The following CPSF3 variants were observed in gnomAD, a reference collection of about 807,000 sequenced individuals.
CPSF3 encodes cleavage and polyadenylation specific factor 3.
Under a neutral mutation model 84.1 loss-of-function variants are expected in CPSF3, and 57 were observed. The observed-to-expected ratio is 0.68, with a 90% CI of 0.55 to 0.85. The LOEUF (loss-of-function observed/expected upper bound fraction) is 0.85. Among genes scored for constraint, CPSF3 ranks in the 40% least tolerant of loss-of-function variants. The pLI, the probability that CPSF3 is intolerant of heterozygous loss-of-function variation, is 0.00. For missense variants in CPSF3, 522 were observed against 838.8 expected (o/e 0.62, Z 4.66); for synonymous variants, 275 against 278.1 (o/e 0.99, Z 0.11).
chr2:9,470,004 A>G (rs1399813833), intron 16 of CPSF3, among the ~76,000 whole-genome samples: 3 of 152,210 alleles, frequency 2.0e-5, no homozygotes, highest in African/African-American at 7.2e-5. Context: ...ACTTGAGGTT[A>G]GGGGTTCGAG....
chr2:9,456,835 G>T (rs1007663371), intron 13 of CPSF3, 98 bp from the exon 14 acceptor site: 1 of 654,208 alleles, frequency 1.5e-6, no homozygotes, highest in Admixed American at 3.4e-5. Context: ...TTTTAATTGT[G>T]TAGCTGCTTT....
intron 6 of CPSF3, 70 bp from the exon 7 acceptor site, chr2:9,436,141 A>C (rs145664944): frequency 8.3e-5 from 111 of 1,334,118 alleles, no homozygotes; most frequent in Non-Finnish European, 1.1e-4. Context: ...TCAGTATTTC[A>C]TTGATGTTTA....
chr2:9,462,619 G>A (rs111861606), intron 15 of CPSF3, among the ~76,000 whole-genome samples: 247 of 152,262 alleles, frequency 1.6e-3, no homozygotes, highest in African/African-American at 5.6e-3. Context: ...TGTTTTATAC[G>A]GGAAGGAATA....
intron 10 of CPSF3, among the ~76,000 whole-genome samples, chr2:9,444,449 C>A (rs1050340017): frequency 6.6e-6 from 1 of 151,022 alleles, no homozygotes; most frequent in East Asian, 2.0e-4. Context: ...TTTTAAGTAT[C>A]GTGTAACTTA....
At chr2:9,471,213 CA>C (rs58209081) in intron 16 of CPSF3, 129 bp from the exon 17 acceptor site, 21,221 of 405,462 alleles carry the variant, frequency 0.052, 1 homozygote, top group South Asian at 0.084. Context: ...GACTCCATCT[CA>C]AAAAAAAAAA....
rs772236851 is a variant in CPSF3, at chr2:9,472,993, C to T, written c.2031C>T (p.Tyr677=). The T allele has an allele frequency of 6.2e-6, 10 of 1,613,112 alleles. No homozygotes were observed. The highest frequency in any genetic ancestry group is 8.5e-6 in the Non-Finnish European group (10 of 1,179,592). The part of the protein sequence containing the change: ...EMVELAAQRL[Y]EALTPVH ...TGGAGCTGGCTGCACAGAGACTGTA[C>T]GAGGCCCTGACGCCAGTTCACTGAG... Residue 677 remains tyrosine (Y), a synonymous_variant, in exon 18 of 18, where the codon TAC becomes TAT. Transcript: ENST00000238112.
At chr2:9,444,413 A>C (rs1490878885) in intron 10 of CPSF3, among the ~76,000 whole-genome samples, 1 of 151,978 alleles carries the variant, frequency 6.6e-6, no homozygotes, top group Non-Finnish European at 1.5e-5. Context: ...GGCGCGAGCC[A>C]CTGCACCCGG....
chr2:9,463,883 C>A (rs1477639503), intron 15 of CPSF3, among the ~76,000 whole-genome samples: 5 of 152,204 alleles, frequency 3.3e-5, no homozygotes, highest in South Asian at 2.1e-4. Flanking sequence ...GCAACAGCGA[C>A]CCTGTGGTTT....
chr2:9,431,164 C>T (rs1470017946), intron 4 of CPSF3, among the ~76,000 whole-genome samples: 1 of 152,092 alleles, frequency 6.6e-6, no homozygotes, highest in Non-Finnish European at 1.5e-5. Flanking sequence ...TCAAGCAGTC[C>T]TTCCACCTCA....
chr2:9,461,770 A>AT (rs1681735331), intron 15 of CPSF3, among the ~76,000 whole-genome samples: 1 of 89,314 alleles, frequency 1.1e-5, no homozygotes, highest in Non-Finnish European at 2.2e-5. Flanking sequence ...TTTTTTTTAA[A>AT]TTTATCTAGA....
At position 9,444,153 on chromosome 2, in the gene CPSF3, TATA is replaced by T. The variant is rs1237348910; in HGVS notation, c.1242+493_1242+495del. Among the ~76,000 whole-genome samples, 86 of 141,746 alleles carry T rather than the reference TATA, an allele frequency of 6.1e-4. 1 individual carries two copies. The highest frequency in any genetic ancestry group is 2.1e-3 in the African/African-American group (80 of 37,518). 93.0% of individuals were successfully genotyped at this position (141,746 alleles called of 152,430 possible). A position where few individuals can be genotyped will look rare whatever the true frequency, so the allele number is the denominator to read the frequency against. On this transcript the variant is annotated intron_variant, in intron 10 of 17. Coordinates refer to ENST00000238112, the MANE Select transcript of CPSF3 (RefSeq NM_016207.4). Reference sequence around the variant, plus strand: ...TTAATATATATATTATATATATATATATATATTTTTTTTTTTTTTGAGGCGGAG... The same window carrying T: ...TTAATATATATATTATATATATATATTATTTTTTTTTTTTTTGAGGCGGAG...
At position 9,454,655 on chromosome 2, in the gene CPSF3, C is replaced by T. The variant is rs539983778; in HGVS notation, c.1505-1004C>T. On this transcript the variant is annotated intron_variant, in intron 12 of 17. Transcript: ENST00000238112. ...CACCTCCCGGGTTCATGCCATTCTCCTGCCTCAGCCTCCCAAGTAGCTGGG... is the reference window on the plus strand; with the variant it reads ...CACCTCCCGGGTTCATGCCATTCTCTTGCCTCAGCCTCCCAAGTAGCTGGG... 1.8e-4 allele frequency among the ~76,000 whole-genome samples: 27 copies of T among 150,534 alleles called. No homozygotes were observed. The South Asian group carries it at 5.7e-3, about 32-fold the overall frequency.
At chr2:9,440,241 G>C (rs1460380621) in intron 7 of CPSF3, among the ~76,000 whole-genome samples, 1 of 152,136 alleles carries the variant, frequency 6.6e-6, no homozygotes, top group Non-Finnish European at 1.5e-5. Context: ...ATGTTTAAAA[G>C]CCTCCACATC....
At position 9,432,656 on chromosome 2, in the gene CPSF3, G is replaced by T. The variant is rs746591102; in HGVS notation, c.487G>T (p.Ala163Ser). 5.8e-6 allele frequency: 9 copies of T among 1,554,396 alleles called. No individual in the cohort carries two copies. Among genetic ancestry groups the T allele is most frequent in the Non-Finnish European group, 7.0e-6 (8 of 1,136,862 alleles). Reference sequence around the variant, plus strand: ...CCATGCAGGTCACGTCCTAGGAGCCGCCATGTTCATGATTGAGATCGCAGG... The same window carrying T: ...CCATGCAGGTCACGTCCTAGGAGCCTCCATGTTCATGATTGAGATCGCAGG... ...CYHAGHVLGA[A>S]MFMIEIAGVK... The change falls in exon 5 of 18, where the codon GCC becomes TCC. Residue 163 changes from alanine to serine, a missense_variant. Transcript: ENST00000238112.
chr2:9,440,746 A>G, intron 8 of CPSF3, 80 bp downstream of exon 8: 3 of 1,405,440 alleles, frequency 2.1e-6, no homozygotes, highest in Admixed American at 1.7e-5. Context: ...GCCGTGAGTG[A>G]TGGCTCACAG....
At chr2:9,438,001 CA>C (rs899620708) in intron 7 of CPSF3, among the ~76,000 whole-genome samples, 3 of 151,918 alleles carry the variant, frequency 2.0e-5, no homozygotes, top group African/African-American at 7.2e-5. Context: ...GACCCTGTCT[CA>C]AAAAAAAGCA....
At chr2:9,442,779 G>T (rs1369381793) in intron 9 of CPSF3, among the ~76,000 whole-genome samples, 1 of 151,898 alleles carries the variant, frequency 6.6e-6, no homozygotes, top group Non-Finnish European at 1.5e-5. Flanking sequence ...CTTGAAACTG[G>T]AGGCGGAGGT....
chr2:9,436,382 T>A, intron 7 of CPSF3, 21 bp downstream of exon 7: 1 of 1,582,454 alleles, frequency 6.3e-7, no homozygotes, highest in Non-Finnish European at 8.6e-7. Flanking sequence ...TCCTTTGTAT[T>A]TAGGCGATGA....
intron 12 of CPSF3, among the ~76,000 whole-genome samples, chr2:9,453,565 G>A (rs1681406668): frequency 6.6e-6 from 1 of 152,168 alleles, no homozygotes; most frequent in Admixed American, 6.5e-5. Flanking sequence ...TGCCTCTAAT[G>A]TGTGTGTATA....
Sources: gnomAD v4.1 joint callset for allele counts (sites outside exome capture counted in the v4.1 genomes callset) on GRCh38, gnomAD v4.1.1 for gene constraint, MANE v1.5 for transcripts, NCBI Gene and HGNC (gene_info 2026-07-23, HGNC 2026-07-21) for gene names.